Variants in CRELD1 observed in about 807,000 individuals in gnomAD.
The protein encoded by CRELD1 is CRELD disulfide isomerase 1.
CRELD1 carries 42 observed loss-of-function variants against 58.2 expected under a neutral mutation model. The ratio of observed to expected loss-of-function variants is 0.72; its 90% confidence interval spans 0.56 to 0.93. CRELD1 has a LOEUF of 0.93. Among genes scored for constraint, CRELD1 ranks in the 40% least tolerant of loss-of-function variants. CRELD1 has a pLI of 0.00. For synonymous variants in CRELD1, 222 were observed against 202.0 expected (o/e 1.10, Z -0.84); for missense variants, 500 against 540.6 (o/e 0.92, Z 0.74).
intron 3 of CRELD1, 87 bp from the exon 4 acceptor site, chr3:9,937,475 C>A: frequency 1.1e-6 from 1 of 876,330 alleles, no homozygotes; most frequent in East Asian, 2.5e-5. Context: ...GATATTTTCA[C>A]CGCACGAGGA....
At chr3:9,943,338 G>T (rs2085422045) in intron 9 of CRELD1, 43 bp from the exon 10 acceptor site, 6 of 1,613,722 alleles carry the variant, frequency 3.7e-6, no homozygotes, top group Non-Finnish European at 5.1e-6. Flanking sequence ...AGGGTGCTGG[G>T]TGGGGGGCCC....
chr3:9,934,477 GCT>G lies in CRELD1; in HGVS notation c.42_43del (p.Trp15GlyfsTer39), dbSNP rs1319558948. ...CCCCGAAGGGCCTAGTCCCAGCTATGCTCTGGGGCCTCAGCCTCTTCCTCAAC... is the reference window on the plus strand; with the variant it reads ...CCCCGAAGGGCCTAGTCCCAGCTATGCTGGGGCCTCAGCCTCTTCCTCAAC... Reference protein sequence around the residue: ...WPPKGLVPAMLWGLSLFLNLP... With the variant: ...WPPKGLVPAMXWGLSLFLNLP... On this transcript the variant is annotated frameshift_variant, in exon 2 of 11. Coordinates refer to ENST00000452070, the MANE Select transcript of CRELD1 (RefSeq NM_001077415.3). LOFTEE classifies it high-confidence loss of function. The G allele has an allele frequency of 1.2e-6, 2 of 1,613,924 alleles. No individual in the cohort carries two copies. Among genetic ancestry groups the G allele is most frequent in the Admixed American group, 1.7e-5 (1 of 60,022 alleles).
At chr3:9,942,196 A>G (rs2085388063) in intron 7 of CRELD1, among the ~76,000 whole-genome samples, 1 of 151,748 alleles carries the variant, frequency 6.6e-6, no homozygotes, top group African/African-American at 2.4e-5. Context: ...GCTTGAATCC[A>G]GGAGGCAGAG....
Position 9,943,172 on chromosome 3 carries a change from G to T in CRELD1, c.913G>T (p.Asp305Tyr). The stretch of plus-strand genomic sequence containing the variant: ...TCAGCAGGTGGGCTCCAAGTGTCTC[G>T]GTGAGTCTCCTGCTGATGGGACACA... ...GYQQVGSKCLDVDECETEVCP... is the reference protein window; with the variant it reads ...GYQQVGSKCLYVDECETEVCP... The change falls in exon 9 of 11, where the codon GAT becomes TAT. Residue 305 changes from aspartate to tyrosine, a missense_variant and splice_region_variant. Asp to Tyr is a radical substitution (Grantham distance 160). Transcript: ENST00000452070. The T allele has an allele frequency of 6.2e-7, 1 of 1,612,132 alleles. No homozygotes were observed.
chr3:9,943,653 G>A lies in CRELD1; in HGVS notation c.1048+138G>A, dbSNP rs2085434047. The stretch of plus-strand genomic sequence containing the variant: ...GCCCCCTGGAGGCTGCACTGAGACC[G>A]GGCTCTACATCTGATCTCCAGGTTG... On this transcript the variant is annotated intron_variant, in intron 10 of 10. Transcript: ENST00000452070. 22 of 1,566,656 alleles carry A rather than the reference G, an allele frequency of 1.4e-5. No individual in the cohort carries two copies. In the Admixed American group the frequency reaches 2.3e-4, roughly 17 times the overall value.
intron 8 of CRELD1, 78 bp downstream of exon 8, chr3:9,942,974 C>T: frequency 1.3e-6 from 2 of 1,543,770 alleles, no homozygotes; most frequent in Non-Finnish European, 1.8e-6. Context: ...TCCAAACCTT[C>T]CCCTTCTCAG....
At position 9,934,176 on chromosome 3, in the gene CRELD1, T is replaced by C. The variant is rs9853613; in HGVS notation, c.-19-244T>C. 0.011 allele frequency: 6,233 copies of C among 543,184 alleles called. 333 individuals are homozygous for C. The highest frequency in any genetic ancestry group is 0.11 in the African/African-American group (5,568 of 52,754). The allele number at this position is 543,184 out of a possible 1,614,324, so 33.6% of individuals were successfully genotyped here. A position where few individuals can be genotyped will look rare whatever the true frequency, so the allele number is the denominator to read the frequency against. ...GACAAGAGGCTGACTTCTGCCCCCTTGTCAAGGAGCGAGGCCACTTTCCTC... is the reference window on the plus strand; with the variant it reads ...GACAAGAGGCTGACTTCTGCCCCCTCGTCAAGGAGCGAGGCCACTTTCCTC... On this transcript the variant is annotated intron_variant, in intron 1 of 10. Coordinates refer to ENST00000452070, the MANE Select transcript of CRELD1 (RefSeq NM_001077415.3).
At chr3:9,934,052 A>C in intron 1 of CRELD1, 132 bp downstream of exon 1, 2 of 327,696 alleles carry the variant, frequency 6.1e-6, no homozygotes, top group South Asian at 6.6e-5. Flanking sequence ...ACCTCCCCCA[A>C]GACAACCCCT....
intron 7 of CRELD1, 43 bp downstream of exon 7, chr3:9,941,249 C>T: frequency 1.3e-6 from 2 of 1,554,692 alleles, no homozygotes; most frequent in African/African-American, 1.4e-5. Flanking sequence ...GGTCAGGGGC[C>T]TGGGCTTGGT....
chr3:9,944,575 G>A lies in CRELD1; in HGVS notation c.1259G>A (p.Arg420Lys), dbSNP rs763867358. The A allele has an allele frequency of 1.0e-5, 16 of 1,602,272 alleles. No homozygotes were observed. Among genetic ancestry groups the A allele is most frequent in the Admixed American group, 1.7e-5 (1 of 59,240 alleles). The stretch of plus-strand genomic sequence containing the variant: ...GTGCTGGAGGGCTTCATCAAGGGCA[G>A]ATAATCGCGGCCACCACCTGTAGGA... The part of the protein sequence containing the change: ...DRVLEGFIKG[R>K] Residue 420 changes from arginine (R) to lysine (K), a missense_variant, in exon 11 of 11, where the codon AGA becomes AAA. Coordinates refer to ENST00000452070, the MANE Select transcript of CRELD1 (RefSeq NM_001077415.3).
At chr3:9,940,543 C>T (rs1217200767) in intron 5 of CRELD1, among the ~76,000 whole-genome samples, 2 of 151,838 alleles carry the variant, frequency 1.3e-5, no homozygotes, top group African/African-American at 2.4e-5. Flanking sequence ...TGGCGCGCGC[C>T]TGCAATCGCA....
At chr3:9,937,417 C>A in intron 3 of CRELD1, 145 bp from the exon 4 acceptor site, 1 of 663,856 alleles carries the variant, frequency 1.5e-6, no homozygotes, top group Non-Finnish European at 2.7e-6. Flanking sequence ...GGTCTCTCTG[C>A]TTCCCAGAAC....
rs2085462755 is a variant in CRELD1, at chr3:9,944,387, G to A, written c.1071G>A (p.Glu357=). 6.2e-7 allele frequency: 1 copy of A among 1,614,106 alleles called. No homozygotes were observed. The highest frequency in any genetic ancestry group is 8.5e-7 in the Non-Finnish European group (1 of 1,180,010). ...CAGAGTCAGCAGGCTTCTTCTCAGAGATGACAGAAGACGAGTTGGTGGTGC... is the reference window on the plus strand; with the variant it reads ...CAGAGTCAGCAGGCTTCTTCTCAGAAATGACAGAAGACGAGTTGGTGGTGC... ...QIPESAGFFS[E]MTEDELVVLQ... The change falls in exon 11 of 11, where the codon GAG becomes GAA. Residue 357 remains glutamate, a synonymous_variant. Coordinates refer to ENST00000452070, the MANE Select transcript of CRELD1 (RefSeq NM_001077415.3).
chr3:9,939,945 G>A (rs1239042682), intron 5 of CRELD1, among the ~76,000 whole-genome samples: 1 of 151,772 alleles, frequency 6.6e-6, no homozygotes, highest in Non-Finnish European at 1.5e-5. Context: ...GGACGGGGCG[G>A]CTGGCCGGGC....
chr3:9,942,177 A>C (rs2085387462), intron 7 of CRELD1, among the ~76,000 whole-genome samples: 1 of 152,030 alleles, frequency 6.6e-6, no homozygotes, highest in Non-Finnish European at 1.5e-5. Context: ...AGGCAGAGGC[A>C]GGAGAGTCGC....
At chr3:9,942,759 C>T (rs1394915596) in intron 7 of CRELD1, 54 bp from the exon 8 acceptor site, 1 of 1,415,496 alleles carries the variant, frequency 7.1e-7, no homozygotes, top group Non-Finnish European at 1.0e-6. Flanking sequence ...GCTCTGGCTT[C>T]AGCTTCCCTA....
intron 5 of CRELD1, among the ~76,000 whole-genome samples, chr3:9,939,111 C>T (rs1315678021): frequency 6.6e-6 from 1 of 151,068 alleles, no homozygotes; most frequent in Non-Finnish European, 1.5e-5. Context: ...ATGTCATTGC[C>T]TGGGAAACAG....
chr3:9,937,478 C>A, intron 3 of CRELD1, 84 bp from the exon 4 acceptor site: 5 of 897,838 alleles, frequency 5.6e-6, no homozygotes, highest in Non-Finnish European at 7.3e-6. Flanking sequence ...ATTTTCACCG[C>A]ACGAGGAAGG....
Position 9,944,585 on chromosome 3 carries a change from G to A in CRELD1, c.*6G>A. 3 of 1,595,912 alleles carry A rather than the reference G, an allele frequency of 1.9e-6. No individual in the cohort carries two copies. Among genetic ancestry groups the A allele is most frequent in the Non-Finnish European group, 2.6e-6 (3 of 1,176,470 alleles). ...GCTTCATCAAGGGCAGATAATCGCG[G>A]CCACCACCTGTAGGACCTCCTCCCA... On this transcript the variant is annotated 3_prime_UTR_variant, in exon 11 of 11. Coordinates refer to ENST00000452070, the MANE Select transcript of CRELD1 (RefSeq NM_001077415.3).
Sources: gnomAD v4.1 joint callset for allele counts (sites outside exome capture counted in the v4.1 genomes callset) on GRCh38, gnomAD v4.1.1 for gene constraint, MANE v1.5 for transcripts, NCBI Gene and HGNC (gene_info 2026-07-23, HGNC 2026-07-21) for gene names.